Variants in CCDC86 observed in about 807,000 individuals in gnomAD.
The protein encoded by CCDC86 is coiled-coil domain containing 86.
CCDC86 carries 28 observed loss-of-function variants against 36.7 expected under a neutral mutation model. That is an observed-to-expected ratio of 0.76 (90% CI 0.57 to 1.05). The LOEUF (loss-of-function observed/expected upper bound fraction) is 1.05, where lower values mean the gene tolerates loss of function less well. Among genes scored for constraint, CCDC86 ranks in the 50% least tolerant of loss-of-function variants. CCDC86 has a pLI of 0.00. For synonymous variants in CCDC86, 199 were observed against 203.4 expected, an observed-to-expected ratio of 0.98 and a Z score of 0.18; for missense variants, 453 against 470.2, an observed-to-expected ratio of 0.96 and a Z score of 0.34.
At chr11:60,847,063 G>C (rs11230505) in intron 1 of CCDC86, among the ~76,000 whole-genome samples, 45,934 of 151,454 alleles carry the variant, frequency 0.3, 7,113 homozygotes, top group Middle Eastern at 0.35. Flanking sequence ...ACTGGGGGAA[G>C]AGATTCTTTT....
chr11:60,847,847 C>T (rs1379050589), intron 1 of CCDC86, 77 bp from the exon 2 acceptor site: 2 of 1,477,986 alleles, frequency 1.4e-6, no homozygotes, highest in East Asian at 5.2e-5. Context: ...AGGTCCAGAG[C>T]CTCCGGCCGA....
intron 2 of CCDC86, 36 bp downstream of exon 2, chr11:60,848,089 G>A: frequency 6.2e-7 from 1 of 1,605,994 alleles, no homozygotes; most frequent in South Asian, 1.1e-5. Flanking sequence ...GGGGCTCAGA[G>A]GACTAAGCTA....
chr11:60,849,015 C>G (rs1565096620), intron 2 of CCDC86, among the ~76,000 whole-genome samples: 1 of 151,812 alleles, frequency 6.6e-6, no homozygotes, highest in African/African-American at 2.4e-5. Context: ...GCCCAGCCCC[C>G]AGCCCGGGCC....
chr11:60,842,313 GAAGAC>G lies in CCDC86; in HGVS notation c.193_197del (p.Thr65ProfsTer46). 6.2e-7 allele frequency: 1 copy of G among 1,613,692 alleles called. No individual in the cohort carries two copies. Among genetic ancestry groups the G allele is most frequent in the Non-Finnish European group, 8.5e-7 (1 of 1,179,938 alleles). On this transcript the variant is annotated frameshift_variant, in exon 1 of 4. Transcript: ENST00000227520. LOFTEE classifies it high-confidence loss of function. ...GCCTGGGGTCCCCCGAAAGGCCGCC[GAAGAC>G]AAGCCCAGGATCACCCCGTCTGCAG...
chr11:60,847,708 C>A, intron 1 of CCDC86: 1 of 456,046 alleles, frequency 2.2e-6, no homozygotes, highest in Non-Finnish European at 4.0e-6. Flanking sequence ...ACCTCAGAGG[C>A]ATGTAGCCAA....
Position 60,850,012 on chromosome 11 carries a change from G to A in CCDC86, c.961G>A (p.Val321Met). Residue 321 changes from valine (V) to methionine (M), a missense_variant and splice_region_variant, in exon 3 of 4, where the codon GTG (valine) becomes ATG (methionine). By Grantham distance (21) the Val-to-Met change is conservative. Coordinates refer to ENST00000227520, the MANE Select transcript of CCDC86 (RefSeq NM_024098.4). ...ENERKAEVVQ[V>M]IRNPAKLKRA... is the part of the protein sequence containing the mutation. ...TGAGCGGAAGGCAGAGGTCGTCCAAGTGGTGAGTGTCTCGTTTTCCCCCTC... is the reference window on the plus strand; with the variant it reads ...TGAGCGGAAGGCAGAGGTCGTCCAAATGGTGAGTGTCTCGTTTTCCCCCTC... The A allele has an allele frequency of 6.2e-7, 1 of 1,614,168 alleles. No individual in the cohort carries two copies. Among genetic ancestry groups the A allele is most frequent in the Non-Finnish European group, 8.5e-7 (1 of 1,180,016 alleles).
At chr11:60,845,459 A>G (rs1855170985) in intron 1 of CCDC86, among the ~76,000 whole-genome samples, 2 of 152,232 alleles carry the variant, frequency 1.3e-5, no homozygotes, top group Admixed American at 1.3e-4. Flanking sequence ...CCGAAGCTGC[A>G]GGCAAGTCTG....
rs748666391 is a variant in CCDC86 at position 60,850,253 on chromosome 11, C to A, written c.1011C>A (p.Arg337=). Residue 337 remains arginine, a synonymous_variant, in exon 4 of 4, where the codon CGC becomes CGA. Transcript: ENST00000227520. The part of the protein sequence containing the change: ...KLKRAKKKQL[R]SIEKRDTLAL... The stretch of plus-strand genomic sequence containing the variant: ...AGCGGGCAAAGAAGAAGCAGCTGCG[C>A]TCCATTGAGAAGCGGGACACCCTGG... The A allele has an allele frequency of 1.2e-6, 2 of 1,614,232 alleles. No individual in the cohort carries two copies. The highest frequency in any genetic ancestry group is 2.2e-5 in the East Asian group (1 of 44,872).
Position 60,842,421 on chromosome 11 carries a change from C to G in CCDC86, c.297C>G (p.His99Gln), listed in dbSNP as rs1189682753. ...CCCCCCAGCGTCAGCAAGACCTACACCTGGAGTCGCCTCAAAGACAGCCAG... is the reference window on the plus strand; with the variant it reads ...CCCCCCAGCGTCAGCAAGACCTACAGCTGGAGTCGCCTCAAAGACAGCCAG... The part of the protein sequence containing the change: ...AASPQRQQDL[H>Q]LESPQRQPEY... The change falls in exon 1 of 4, where the codon CAC (histidine) becomes CAG (glutamine). Residue 99 changes from histidine (H) to glutamine (Q), a missense_variant. His to Gln is a conservative substitution (Grantham distance 24). Coordinates refer to ENST00000227520, the MANE Select transcript of CCDC86 (RefSeq NM_024098.4). 1 of 1,613,910 alleles carries G rather than the reference C, an allele frequency of 6.2e-7. No individual in the cohort carries two copies. The highest frequency in any genetic ancestry group is 8.5e-7 in the Non-Finnish European group (1 of 1,180,026).
chr11:60,847,858 G>A (rs1300935251), intron 1 of CCDC86, 66 bp from the exon 2 acceptor site: 5 of 1,511,188 alleles, frequency 3.3e-6, no homozygotes, highest in Admixed American at 2.0e-5. Flanking sequence ...CTCCGGCCGA[G>A]AGGAGACAGG....
intron 1 of CCDC86, among the ~76,000 whole-genome samples, chr11:60,845,689 A>G (rs1439990691): frequency 6.6e-6 from 1 of 152,278 alleles, no homozygotes; most frequent in Non-Finnish European, 1.5e-5. Context: ...GCCCTTGGGC[A>G]TGCTGTCTGC....
intron 2 of CCDC86, among the ~76,000 whole-genome samples, chr11:60,848,765 A>C (rs1355034755): frequency 6.6e-6 from 1 of 152,092 alleles, no homozygotes; most frequent in Non-Finnish European, 1.5e-5. Flanking sequence ...CGGGATTCAG[A>C]CAACTCATCC....
At chr11:60,843,114 T>TC (rs1210928979) in intron 1 of CCDC86, 1 of 533,796 alleles carries the variant, frequency 1.9e-6, no homozygotes, top group Admixed American at 3.8e-5. Flanking sequence ...CTCCTCAGGG[T>TC]CCCTATGGGC....
Position 60,842,145 on chromosome 11 carries a change from C to T in CCDC86, c.21C>T (p.Arg7=). The stretch of plus-strand genomic sequence containing the variant: ...GAGCCATGGATACACCGTTAAGGCG[C>T]AGCCGACGGCTGGGAGGCCTAAGGC... MDTPLR[R]SRRLGGLRPE... The change falls in exon 1 of 4, where the codon CGC becomes CGT. Residue 7 remains arginine, a synonymous_variant. Coordinates refer to ENST00000227520, the MANE Select transcript of CCDC86 (RefSeq NM_024098.4). The T allele has an allele frequency of 6.3e-7, 1 of 1,595,308 alleles. No individual in the cohort carries two copies. The highest frequency in any genetic ancestry group is 8.5e-7 in the Non-Finnish European group (1 of 1,171,920).
chr11:60,847,944 A>T lies in CCDC86; in HGVS notation c.779A>T (p.Asp260Val). 6.2e-7 allele frequency: 1 copy of T among 1,612,782 alleles called. No individual in the cohort carries two copies. The highest frequency in any genetic ancestry group is 8.5e-7 in the Non-Finnish European group (1 of 1,179,176). The change falls in exon 2 of 4, where the codon GAC becomes GTC. Residue 260 changes from aspartate to valine, a missense_variant. Asp to Val is a radical substitution (Grantham distance 152). Coordinates refer to ENST00000227520, the MANE Select transcript of CCDC86 (RefSeq NM_024098.4). Reference sequence around the variant, plus strand: ...TTCAGATTCTCCCAGATGCTTCAGGACAAGCCCCTGCGCACATCGTGGCAG... The same window carrying T: ...TTCAGATTCTCCCAGATGCTTCAGGTCAAGCCCCTGCGCACATCGTGGCAG... ...SKKRFSQMLQDKPLRTSWQRK... is the reference protein window; with the variant it reads ...SKKRFSQMLQVKPLRTSWQRK...
At chr11:60,848,257 G>T (rs1022878959) in intron 2 of CCDC86, among the ~76,000 whole-genome samples, 7 of 144,534 alleles carry the variant, frequency 4.8e-5, no homozygotes, top group African/African-American at 1.5e-4. Flanking sequence ...GGAGGCCCAG[G>T]GGACCATACA....
In CCDC86 at chr11:60,842,794, T is replaced by G; in HGVS notation, c.670T>G (p.Ser224Ala). The change falls in exon 1 of 4, where the codon TCC becomes GCC. Residue 224 changes from serine to alanine, a missense_variant. By Grantham distance (99) the Ser-to-Ala change is moderately conservative. Coordinates refer to ENST00000227520, the MANE Select transcript of CCDC86 (RefSeq NM_024098.4). ...AGGTTCTTCATCCCAGGCCCCAGCG[T>G]CCAAGAAGTTGAATAAAGAGGAGCT... Reference protein sequence around the residue: ...RKGSSSQAPASKKLNKEELPV... With the variant: ...RKGSSSQAPAAKKLNKEELPV... The G allele has an allele frequency of 6.2e-7, 1 of 1,611,642 alleles. No individual in the cohort carries two copies. Among genetic ancestry groups the G allele is most frequent in the Non-Finnish European group, 8.5e-7 (1 of 1,178,244 alleles).
intron 2 of CCDC86, among the ~76,000 whole-genome samples, chr11:60,849,087 C>G (rs1429758789): frequency 1.3e-5 from 2 of 152,232 alleles, no homozygotes; most frequent in African/African-American, 4.8e-5. Context: ...TGGGCCACCC[C>G]TGCTACCCCA....
rs573887937 is a variant in CCDC86, at chr11:60,846,869, C to T, written c.759-1055C>T. On this transcript the variant is annotated intron_variant, in intron 1 of 3. Transcript: ENST00000227520. ...GATTACAGGCGTGAGCCACTGCGCC[C>T]GGCTGATCTTTGGCATTTTTTTTTC... Among the ~76,000 whole-genome samples the T allele has an allele frequency of 1.2e-3, 160 of 131,864 alleles. 1 individual carries two copies. Among genetic ancestry groups the T allele is most frequent in the African/African-American group, 4.0e-3 (144 of 36,326 alleles). 86.5% of individuals were successfully genotyped at this position (131,864 alleles called of 152,430 possible).
Sources: allele counts gnomAD v4.1 joint callset (sites outside exome capture counted in the v4.1 genomes callset), GRCh38; gene constraint gnomAD v4.1.1; transcripts MANE v1.5; gene names NCBI Gene and HGNC (gene_info 2026-07-23, HGNC 2026-07-21).